RREB1: variants seen among roughly 807,000 people sequenced by gnomAD.
The protein encoded by RREB1 is ras responsive element binding protein 1.
Under a neutral mutation model 117.8 loss-of-function variants are expected in RREB1, and 27 were observed. The ratio of observed to expected loss-of-function variants is 0.23; its 90% CI spans 0.17 to 0.32. The LOEUF (loss-of-function observed/expected upper bound fraction) is 0.32. Among genes scored for constraint, RREB1 ranks in the 10% least tolerant of loss-of-function variants. The probability of loss-of-function intolerance (pLI) is 1.00; values close to 1 mark genes in which losing one functional copy is unlikely to be tolerated. For synonymous variants in RREB1, 1,298 were observed against 1,026.7 expected (o/e 1.26, Z -5.05); for missense variants, 2,577 against 2,378.2 (o/e 1.08, Z -1.74).
intron 1 of RREB1, among the ~76,000 whole-genome samples, chr6:7,117,699 G>A (rs1483797692): frequency 1.3e-5 from 2 of 151,902 alleles, no homozygotes; most frequent in African/African-American, 4.8e-5. Flanking sequence ...ATGAGCCACC[G>A]CGCCCCACCA....
intron 1 of RREB1, among the ~76,000 whole-genome samples, chr6:7,123,881 G>A (rs1406203159): frequency 1.3e-5 from 2 of 152,146 alleles, no homozygotes; most frequent in African/African-American, 4.8e-5. Context: ...AAAGTACTGG[G>A]ATTACAGGTG....
At chr6:7,177,083 G>A (rs1259009440) in intron 2 of RREB1, among the ~76,000 whole-genome samples, 1 of 151,960 alleles carries the variant, frequency 6.6e-6, no homozygotes, top group African/African-American at 2.4e-5. Context: ...GCCAGGCGTG[G>A]TGGTGCGTGC....
chr6:7,114,629 C>T (rs1561722650), intron 1 of RREB1, among the ~76,000 whole-genome samples: 1 of 152,182 alleles, frequency 6.6e-6, no homozygotes. Flanking sequence ...GCCTGGGTCT[C>T]ATCTACAAGT....
chr6:7,210,311 A>G (rs1041723432), intron 6 of RREB1, among the ~76,000 whole-genome samples: 3 of 152,236 alleles, frequency 2.0e-5, no homozygotes, highest in African/African-American at 4.8e-5. Flanking sequence ...CTCTGTTAGC[A>G]TGTCTCAAAT....
rs571535875 is a variant in RREB1 at position 7,184,690 on chromosome 6, T to A, written c.171+2608T>A. 6 of 152,174 alleles carry A rather than the reference T, an allele frequency of 3.9e-5. No homozygotes were observed. The South Asian group carries it at 1.0e-3, about 26-fold the overall frequency. The allele number at this position is 152,174 out of a possible 1,614,324, so 9.4% of individuals were successfully genotyped here. On this transcript the variant is annotated intron_variant, in intron 4 of 12. Coordinates refer to ENST00000379938, the MANE Select transcript of RREB1 (RefSeq NM_001003699.4). The stretch of plus-strand genomic sequence containing the variant: ...GAAGGCTGGGGTGTCAGTTCATGAG[T>A]CACCCCAGAGTCAACACAAGTCAGC...
chr6:7,176,998 C>G (rs1210554732), intron 2 of RREB1, among the ~76,000 whole-genome samples: 1 of 151,968 alleles, frequency 6.6e-6, no homozygotes, highest in Non-Finnish European at 1.5e-5. Context: ...GGACAGATCA[C>G]TTGAGGCCAG....
intron 11 of RREB1, among the ~76,000 whole-genome samples, chr6:7,245,831 A>G (rs1768974839): frequency 6.6e-6 from 1 of 152,188 alleles, no homozygotes; most frequent in South Asian, 2.1e-4. Context: ...GGAAGCCTAC[A>G]AGCTTGCCTG....
intron 1 of RREB1, among the ~76,000 whole-genome samples, chr6:7,116,511 G>C (rs1290146744): frequency 6.6e-6 from 1 of 152,098 alleles, no homozygotes; most frequent in Non-Finnish European, 1.5e-5. Context: ...CCTGCACCTA[G>C]AACGATTGCA....
rs1159671684 is a variant in RREB1, at chr6:7,246,683, G to A, written c.4233G>A (p.Ser1411=). The change falls in exon 12 of 13, where the codon TCG becomes TCA. Residue 1411 remains serine (S), a synonymous_variant. Transcript: ENST00000379938. ...GDADGAEEDA[S]SNQSLDLDFA... ...CCGACGGCGCGGAAGAGGACGCGTC[G>A]AGCAACCAGAGCCTGGACCTGGACT... The A allele has an allele frequency of 6.3e-7, 1 of 1,582,628 alleles. No homozygotes were observed. Among genetic ancestry groups the A allele is most frequent in the South Asian group, 1.2e-5 (1 of 86,590 alleles).
At chr6:7,213,049 C>G (rs1766706348) in intron 8 of RREB1, 1 of 152,282 alleles carries the variant, frequency 6.6e-6, no homozygotes, top group South Asian at 2.1e-4. Flanking sequence ...ACTCCTCCCT[C>G]TGCTCATACA....
At chr6:7,210,066 C>G (rs1304873646) in intron 6 of RREB1, among the ~76,000 whole-genome samples, 1 of 152,188 alleles carries the variant, frequency 6.6e-6, no homozygotes, top group Non-Finnish European at 1.5e-5. Flanking sequence ...TTTTAGAACT[C>G]AATAAAGTAA....
intron 2 of RREB1, among the ~76,000 whole-genome samples, chr6:7,178,449 T>C (rs1764619161): frequency 6.6e-6 from 1 of 152,214 alleles, no homozygotes; most frequent in African/African-American, 2.4e-5. Flanking sequence ...TCGATGATCT[T>C]GTAGAAGAGC....
At chr6:7,244,502 C>T (rs541417284) in intron 11 of RREB1, among the ~76,000 whole-genome samples, 2 of 152,290 alleles carry the variant, frequency 1.3e-5, no homozygotes, top group South Asian at 4.2e-4. Context: ...TAGATGCTCT[C>T]TGTTGAAATG....
At chr6:7,227,536 G>C (rs866190034) in intron 9 of RREB1, among the ~76,000 whole-genome samples, 1 of 138,030 alleles carries the variant, frequency 7.2e-6, no homozygotes, top group Non-Finnish European at 1.5e-5. Context: ...GCGAGACTCC[G>C]TCTAAGAAAA....
chr6:7,182,107 CCT>C (rs766318670), intron 4 of RREB1, 25 bp downstream of exon 4: 2 of 1,603,282 alleles, frequency 1.2e-6, no homozygotes, highest in Non-Finnish European at 1.7e-6. Context: ...CTAGTGGTGA[CCT>C]CTGGTGGGTT....
intron 1 of RREB1, among the ~76,000 whole-genome samples, chr6:7,132,147 C>T (rs1319962787): frequency 2.0e-5 from 3 of 152,098 alleles, no homozygotes; most frequent in African/African-American, 4.8e-5. Flanking sequence ...CTCTGCCTCC[C>T]GGGTTCAAGC....
intron 1 of RREB1, among the ~76,000 whole-genome samples, chr6:7,114,145 G>A (rs1290915798): frequency 6.6e-6 from 1 of 152,156 alleles, no homozygotes; most frequent in Non-Finnish European, 1.5e-5. Flanking sequence ...CTTAGGTGAG[G>A]CAGAGTCTTG....
At chr6:7,238,157 A>G (rs1768462059) in intron 10 of RREB1, among the ~76,000 whole-genome samples, 1 of 152,268 alleles carries the variant, frequency 6.6e-6, no homozygotes, top group Admixed American at 6.5e-5. Context: ...TTTTGACAAT[A>G]AAATGTTAAA....
chr6:7,113,610 C>A (rs1761254599), intron 1 of RREB1, among the ~76,000 whole-genome samples: 3 of 152,106 alleles, frequency 2.0e-5, no homozygotes, highest in African/African-American at 7.2e-5. Flanking sequence ...AACTTGGAAC[C>A]CAGAACTCCT....
Sources: gnomAD v4.1 joint callset for allele counts (sites outside exome capture counted in the v4.1 genomes callset) on GRCh38, gnomAD v4.1.1 for gene constraint, MANE v1.5 for transcripts, NCBI Gene and HGNC (gene_info 2026-07-23, HGNC 2026-07-21) for gene names.